Variants in CDH2 observed in about 807,000 individuals in gnomAD.
CDH2 encodes cadherin 2, also known as cadherin-2.
In CDH2, 17 loss-of-function variants were observed where a neutral mutation model predicts 92.0. That is an observed-to-expected ratio of 0.18 (90% confidence interval 0.13 to 0.28). The LOEUF is 0.28. Ranked by LOEUF, CDH2 falls within the 10% of genes least tolerant of loss-of-function variation. The pLI, the probability that CDH2 is intolerant of heterozygous loss-of-function variation, is 1.00. For missense variants in CDH2, 862 were observed against 1,133.1 expected (o/e 0.76, Z 3.44); for synonymous variants, 419 against 415.9 (o/e 1.01, Z -0.09).
chr18:27,990,160 G>A lies in CDH2; in HGVS notation c.1535C>T (p.Ala512Val), dbSNP rs879152118. 6 of 1,613,788 alleles carry A rather than the reference G, an allele frequency of 3.7e-6. No individual in the cohort carries two copies. The highest frequency in any genetic ancestry group is 5.1e-6 in the Non-Finnish European group (6 of 1,179,726). Residue 512 changes from alanine (A) to valine (V), a missense_variant, in exon 10 of 16, where the codon GCC (alanine) becomes GTC (valine). Transcript: ENST00000269141. ...KIIRQEEGLHAGTMLTTFTAQ... is the reference protein window; with the variant it reads ...KIIRQEEGLHVGTMLTTFTAQ... ...AGTGAATGTTGTCAACATGGTACCG[G>A]CATGAAGCCCTTCTTCTTGGCGAAT...
chr18:28,006,481 G>A (rs2012921631), intron 5 of CDH2, among the ~76,000 whole-genome samples: 1 of 152,056 alleles, frequency 6.6e-6, no homozygotes, highest in African/African-American at 2.4e-5. Flanking sequence ...ACATTGGGAG[G>A]CCAAGGAGGG....
At chr18:28,136,843 A>G (rs751538312) in intron 2 of CDH2, among the ~76,000 whole-genome samples, 260 of 152,290 alleles carry the variant, frequency 1.7e-3, no homozygotes, top group Admixed American at 3.1e-3. Flanking sequence ...CTCGGAATTC[A>G]CTTGAGAAAA....
intron 2 of CDH2, among the ~76,000 whole-genome samples, chr18:28,071,607 C>G (rs2014619711): frequency 2.0e-5 from 3 of 152,126 alleles, no homozygotes; most frequent in Non-Finnish European, 4.4e-5. Context: ...TATTTTATTG[C>G]TAAATAATTA....
chr18:28,076,594 G>A (rs17468699), intron 2 of CDH2, among the ~76,000 whole-genome samples: 31,572 of 151,668 alleles, frequency 0.21, 3,791 homozygotes, highest in Non-Finnish European at 0.27. Context: ...AAAATGTGCA[G>A]GTTTGTTACA....
At chr18:27,946,693 T>G (rs188608659), downstream of CDH2, among the ~76,000 whole-genome samples, 699 of 152,020 alleles carry the variant, frequency 4.6e-3, 4 homozygotes, top group South Asian at 0.01. Flanking sequence ...AGCAAAATAT[T>G]GAAAAAACAA....
rs2144182830 is a variant in CDH2 at position 28,077,772 on chromosome 18, TC to T, written c.173-63864del. ...CGGGTGTGGCAGCGTGTGCCTACAT[TC>T]CCAGCTACTCAGGAGGCTGAGGCAG... On this transcript the variant is annotated intron_variant, in intron 2 of 15. Coordinates refer to ENST00000269141, the MANE Select transcript of CDH2 (RefSeq NM_001792.5). Among the ~76,000 whole-genome samples the T allele has an allele frequency of 1.3e-5, 2 of 151,518 alleles. 1 individual carries two copies. Among genetic ancestry groups the T allele is most frequent in the East Asian group, 3.9e-4 (2 of 5,094 alleles).
chr18:28,124,157 C>T (rs1431786708), intron 2 of CDH2, among the ~76,000 whole-genome samples: 1 of 151,972 alleles, frequency 6.6e-6, no homozygotes, highest in South Asian at 2.1e-4. Flanking sequence ...GTTTCTTCCC[C>T]ACCCTCATCA....
intron 1 of CDH2, among the ~76,000 whole-genome samples, chr18:28,161,057 C>T (rs2016299260): frequency 6.6e-6 from 1 of 152,160 alleles, no homozygotes; most frequent in Non-Finnish European, 1.5e-5. Context: ...AGATTATAGA[C>T]AAGAGGCTTA....
intron 14 of CDH2, among the ~76,000 whole-genome samples, chr18:27,971,308 CTT>C (rs60035433): frequency 6.1e-5 from 7 of 114,418 alleles, no homozygotes; most frequent in Non-Finnish European, 9.3e-5. Flanking sequence ...CATGTCAGTT[CTT>C]TTTTTTTTTT....
intron 2 of CDH2, among the ~76,000 whole-genome samples, chr18:28,078,695 T>C (rs1206057906): frequency 6.6e-6 from 1 of 151,408 alleles, no homozygotes; most frequent in Non-Finnish European, 1.5e-5. Flanking sequence ...TTTTTTTGCA[T>C]GAAATACCCT....
At chr18:28,081,218 C>T (rs2014822202) in intron 2 of CDH2, among the ~76,000 whole-genome samples, 1 of 152,192 alleles carries the variant, frequency 6.6e-6, no homozygotes, top group African/African-American at 2.4e-5. Context: ...ATTCCTTTAA[C>T]TCTTAAGAGT....
intron 2 of CDH2, among the ~76,000 whole-genome samples, chr18:28,131,324 C>T (rs1167018963): frequency 6.6e-6 from 1 of 152,020 alleles, no homozygotes; most frequent in Non-Finnish European, 1.5e-5. Context: ...TAATCTAACA[C>T]TCTGAGTAAT....
At chr18:28,120,813 G>C (rs2015575030) in intron 2 of CDH2, among the ~76,000 whole-genome samples, 1 of 152,084 alleles carries the variant, frequency 6.6e-6, no homozygotes, top group Admixed American at 6.6e-5. Flanking sequence ...CCTAGACACA[G>C]ATATCACCCA....
chr18:27,937,597 ACACT>A (rs1909047788), intron 6 of CDH2, among the ~76,000 whole-genome samples: 1 of 152,182 alleles, frequency 6.6e-6, no homozygotes, highest in Non-Finnish European at 1.5e-5. Context: ...AATAACCTAC[ACACT>A]CAATCTTCTA....
chr18:27,976,016 C>T (rs565952907), intron 14 of CDH2, among the ~76,000 whole-genome samples: 2 of 152,048 alleles, frequency 1.3e-5, no homozygotes, highest in Admixed American at 6.5e-5. Context: ...GGGACAGAAT[C>T]GGGGGCAGGG....
At chr18:28,136,541 T>C (rs983974861) in intron 2 of CDH2, among the ~76,000 whole-genome samples, 1 of 152,184 alleles carries the variant, frequency 6.6e-6, no homozygotes, top group Non-Finnish European at 1.5e-5. Context: ...ACTAATAATG[T>C]ATACAGACAT....
intron 2 of CDH2, among the ~76,000 whole-genome samples, chr18:28,076,620 C>T (rs944026621): frequency 6.6e-6 from 1 of 151,742 alleles, no homozygotes; most frequent in Non-Finnish European, 1.5e-5. Context: ...ATACATGTGC[C>T]ATTTTCATGT....
chr18:27,992,775 C>T lies in CDH2; in HGVS notation c.1224G>A (p.Lys408=), dbSNP rs200438998. 27 of 1,613,866 alleles carry T rather than the reference C, an allele frequency of 1.7e-5. No individual in the cohort carries two copies. Among genetic ancestry groups the T allele is most frequent in the Non-Finnish European group, 1.7e-6 (2 of 1,179,924 alleles). ...TCCAGGCTGGTGTATGGGGTTGATC[C>T]TTATCGGTCACAGTTAGATTAGCTA... is the stretch of plus-strand genomic sequence containing the variant. ...IIVANLTVTD[K]DQPHTPAWNA... Residue 408 remains lysine (K), a synonymous_variant, in exon 9 of 16, where the codon AAG becomes AAA. Coordinates refer to ENST00000269141, the MANE Select transcript of CDH2 (RefSeq NM_001792.5).
chr18:28,036,879 G>A (rs1390035556), intron 2 of CDH2, among the ~76,000 whole-genome samples: 1 of 152,058 alleles, frequency 6.6e-6, no homozygotes, highest in Non-Finnish European at 1.5e-5. Context: ...CAGCACTTCT[G>A]TTTGGAAAAA....
Sources: gnomAD v4.1 joint callset for allele counts (sites outside exome capture counted in the v4.1 genomes callset) on GRCh38, gnomAD v4.1.1 for gene constraint, MANE v1.5 for transcripts, NCBI Gene and HGNC (gene_info 2026-07-23, HGNC 2026-07-21) for gene names.